Variants in LBP observed in about 807,000 individuals in gnomAD.
LBP encodes the protein lipopolysaccharide binding protein.
LBP carries 53 observed loss-of-function variants against 56.6 expected under a neutral mutation model. The observed-to-expected ratio is 0.94, with a 90% CI of 0.75 to 1.18. The LOEUF is 1.18. Ranked by LOEUF, LBP falls within the 50% of genes most tolerant of loss-of-function variation. The probability of loss-of-function intolerance (pLI) is 0.00; values close to 1 mark genes in which losing one functional copy is unlikely to be tolerated. For missense variants in LBP, 601 were observed against 598.3 expected, an observed-to-expected ratio of 1.00 and a Z score of -0.05; for synonymous variants, 227 against 247.5, an observed-to-expected ratio of 0.92 and a Z score of 0.78.
intron 6 of LBP, 88 bp downstream of exon 6, chr20:38,360,855 CA>C (rs2076857626): frequency 2.0e-6 from 2 of 1,004,524 alleles, no homozygotes; most frequent in Non-Finnish European, 3.0e-6. Context: ...GTAAATGGGG[CA>C]AAAATATAGA....
intron 5 of LBP, among the ~76,000 whole-genome samples, chr20:38,359,712 T>C (rs895179691): frequency 2.0e-5 from 3 of 152,168 alleles, no homozygotes; most frequent in African/African-American, 7.2e-5. Flanking sequence ...TGGACTCCAG[T>C]AGGGCCCAGT....
intron 3 of LBP, 75 bp from the exon 4 acceptor site, chr20:38,354,209 G>C: frequency 3.1e-6 from 4 of 1,303,738 alleles, no homozygotes; most frequent in Non-Finnish European, 4.3e-6. Flanking sequence ...TCAGAACTGA[G>C]CCTTCTATTT....
chr20:38,367,142 T>A (rs1359332846), intron 9 of LBP, among the ~76,000 whole-genome samples: 1 of 152,126 alleles, frequency 6.6e-6, no homozygotes, highest in African/African-American at 2.4e-5. Flanking sequence ...GTGCCAGGCA[T>A]GTTCTTGGTT....
chr20:38,360,765 C>T lies in LBP; in HGVS notation c.650C>T (p.Pro217Leu), dbSNP rs551617706. The T allele has an allele frequency of 2.1e-4, 345 of 1,607,230 alleles. 3 individuals carry two copies. In the South Asian group the frequency reaches 3.6e-3, roughly 17 times the overall value. The change falls in exon 6 of 15, where the codon CCA (proline) becomes CTA (leucine). Residue 217 changes from proline to leucine, a missense_variant and splice_region_variant. Transcript: ENST00000217407. ...CTACAGCCTTATCTCCAAACTCTGC[C>T]AGGTAGGACACCCCATCCATCCCGG... The part of the protein sequence containing the change: ...SDLQPYLQTL[P>L]VTTEIDSFAD...
chr20:38,354,107 G>C (rs1332655421), intron 3 of LBP, among the ~76,000 whole-genome samples, 177 bp from the exon 4 acceptor site: 1 of 152,068 alleles, frequency 6.6e-6, no homozygotes, highest in African/African-American at 2.4e-5. Flanking sequence ...ATCCAGCCCT[G>C]CCTGGAAATA....
chr20:38,355,446 G>A (rs763470077), intron 5 of LBP, 37 bp downstream of exon 5: 3 of 1,581,832 alleles, frequency 1.9e-6, no homozygotes, highest in Non-Finnish European at 2.6e-6. Flanking sequence ...CCCCGAGCTT[G>A]GCGAGGGCTG....
chr20:38,366,261 G>A (rs6025198), intron 8 of LBP, among the ~76,000 whole-genome samples: 3,087 of 152,176 alleles, frequency 0.02, 106 homozygotes, highest in African/African-American at 0.07. Flanking sequence ...ACAGGCCTTC[G>A]CTTCTGGCAT....
chr20:38,367,408 T>G (rs570464581), intron 9 of LBP, among the ~76,000 whole-genome samples: 1 of 152,130 alleles, frequency 6.6e-6, no homozygotes, highest in Non-Finnish European at 1.5e-5. Flanking sequence ...GAGCTGTGAT[T>G]GCACCACTGC....
intron 1 of LBP, among the ~76,000 whole-genome samples, chr20:38,348,357 G>A (rs1568825870): frequency 6.6e-6 from 1 of 151,106 alleles, no homozygotes; most frequent in African/African-American, 2.4e-5. Flanking sequence ...TCTGTTGCCA[G>A]GCTGGAGTGC....
At chr20:38,361,848 G>A (rs959566482) in intron 6 of LBP, among the ~76,000 whole-genome samples, 1 of 151,032 alleles carries the variant, frequency 6.6e-6, no homozygotes, top group African/African-American at 2.4e-5. Flanking sequence ...CAGAGCCCCT[G>A]GTGTCCCCCT....
chr20:38,375,815 C>T (rs73909021), intron 14 of LBP, among the ~76,000 whole-genome samples: 1,996 of 152,024 alleles, frequency 0.013, 42 homozygotes, highest in African/African-American at 0.046. Context: ...ACATTGTTAA[C>T]AACAGAAAAT....
chr20:38,356,418 GCGCACACACACACACACACACA>G (rs2076840577), intron 5 of LBP, among the ~76,000 whole-genome samples: 2 of 48,984 alleles, frequency 4.1e-5, no homozygotes, highest in African/African-American at 2.5e-4. Context: ...CCACACACAC[GCGCACACACACACACACACACA>G]CACACACACA....
Position 38,369,131 on chromosome 20 carries a change from C to T in LBP, c.1118C>T (p.Ser373Phe). The T allele has an allele frequency of 1.2e-6, 2 of 1,614,090 alleles. No individual in the cohort carries two copies. The highest frequency in any genetic ancestry group is 8.5e-7 in the Non-Finnish European group (1 of 1,180,008). Residue 373 changes from serine to phenylalanine, a missense_variant, in exon 10 of 15, where the codon TCC (serine) becomes TTC (phenylalanine). Transcript: ENST00000217407. Reference protein sequence around the residue: ...EIDAFVLLPSSSKEPVFRLSV... With the variant: ...EIDAFVLLPSFSKEPVFRLSV... ...GATGCCTTTGTGCTCCTGCCCAGCT[C>T]CAGCAAGGAGCCTGTCTTCCGGCTC...
chr20:38,354,352 G>A lies in LBP; in HGVS notation c.437G>A (p.Ser146Asn), dbSNP rs368201714. 6.2e-7 allele frequency: 1 copy of A among 1,613,762 alleles called. No homozygotes were observed. The highest frequency in any genetic ancestry group is 1.1e-5 in the South Asian group (1 of 91,056). Residue 146 changes from serine (S) to asparagine (N), a missense_variant, in exon 4 of 15, where the codon AGC (serine) becomes AAC (asparagine). Transcript: ENST00000217407. ...ATTTCGGTCAACCTCCTGTTGGGCA[G>A]CGAGTCCTCCGGGAGGCCCACAGTT... ...ISISVNLLLG[S>N]ESSGRPTVTA...
chr20:38,368,853 C>T (rs2076891528), intron 9 of LBP, 142 bp from the exon 10 acceptor site: 1 of 786,880 alleles, frequency 1.3e-6, no homozygotes, highest in African/African-American at 1.7e-5. Flanking sequence ...AGTTTTGCCA[C>T]TAGGAGAAAA....
In LBP at chr20:38,364,083, C is replaced by A; in HGVS notation, c.744+17C>A. ...ATGTTTAAGGTGAGGGTCCTGGGGC[C>A]GGGCTGCGTGGGTGAGGCTTTCCCT... On this transcript the variant is annotated intron_variant, in intron 7 of 14. Transcript: ENST00000217407. 1.3e-6 allele frequency: 2 copies of A among 1,575,230 alleles called. No individual in the cohort carries two copies. The highest frequency in any genetic ancestry group is 8.7e-7 in the Non-Finnish European group (1 of 1,144,804).
intron 5 of LBP, among the ~76,000 whole-genome samples, chr20:38,360,427 C>T (rs73909011): frequency 0.013 from 1,988 of 152,268 alleles, 46 homozygotes; most frequent in African/African-American, 0.045. Context: ...CCAGCCAGTG[C>T]CCCCTCCTCA....
Position 38,354,322 on chromosome 20 carries a change from T to G in LBP, c.407T>G (p.Ile136Ser). The G allele has an allele frequency of 6.2e-7, 1 of 1,613,844 alleles. No individual in the cohort carries two copies. The highest frequency in any genetic ancestry group is 8.5e-7 in the Non-Finnish European group (1 of 1,179,954). The change falls in exon 4 of 15, where the codon ATC becomes AGC. Residue 136 changes from isoleucine to serine, a missense_variant. By Grantham distance (142) the Ile-to-Ser change is moderately radical. Transcript: ENST00000217407. ...QGSFDVSVKG[I>S]SISVNLLLGS... ...TCCTTTGATGTCAGTGTCAAGGGCATCAGCATTTCGGTCAACCTCCTGTTG... is the reference window on the plus strand; with the variant it reads ...TCCTTTGATGTCAGTGTCAAGGGCAGCAGCATTTCGGTCAACCTCCTGTTG...
intron 3 of LBP, among the ~76,000 whole-genome samples, chr20:38,352,778 T>C (rs1260465730): frequency 1.3e-5 from 2 of 152,078 alleles, no homozygotes; most frequent in Non-Finnish European, 2.9e-5. Flanking sequence ...AATTAGTTAA[T>C]TAAATAAAAT....
Sources: allele counts gnomAD v4.1 joint callset (sites outside exome capture counted in the v4.1 genomes callset), GRCh38; gene constraint gnomAD v4.1.1; transcripts MANE v1.5; gene names NCBI Gene and HGNC (gene_info 2026-07-23, HGNC 2026-07-21).